Variants in STXBP5L observed in about 807,000 individuals in gnomAD.
STXBP5L encodes syntaxin binding protein 5L.
STXBP5L carries 65 observed loss-of-function variants against 144.5 expected under a neutral mutation model. The ratio of observed to expected loss-of-function variants is 0.45; its 90% CI spans 0.37 to 0.55. The LOEUF is 0.55. STXBP5L is among the 20% of genes least tolerant of loss of function. The probability of loss-of-function intolerance (pLI) is 0.00; values close to 1 mark genes in which losing one functional copy is unlikely to be tolerated. For missense variants in STXBP5L, 1,298 were observed against 1,405.5 expected (o/e 0.92, Z 1.22); for synonymous variants, 505 against 469.6 (o/e 1.08, Z -0.97).
At chr3:121,098,428 C>T (rs1334057413) in intron 5 of STXBP5L, among the ~76,000 whole-genome samples, 1 of 152,192 alleles carries the variant, frequency 6.6e-6, no homozygotes, top group Non-Finnish European at 1.5e-5. Context: ...AGAACTCCCT[C>T]ATTATCGTGA....
chr3:121,128,392 G>A (rs1280399243), intron 7 of STXBP5L, among the ~76,000 whole-genome samples: 1 of 152,078 alleles, frequency 6.6e-6, no homozygotes, highest in Non-Finnish European at 1.5e-5. Context: ...TATTATGTTT[G>A]TTCTGGCAAC....
rs575064799 is a variant in STXBP5L, at chr3:121,108,611, G to A, written c.471-6314G>A. On this transcript the variant is annotated intron_variant, in intron 5 of 26. Coordinates refer to ENST00000471454, the MANE Select transcript of STXBP5L (RefSeq NM_001308330.2). Reference sequence around the variant, plus strand: ...ACTTTTTGATGTGCTGTTGGACTTGGTTTGCCAGTATTTTATTGAGGGTTT... The same window carrying A: ...ACTTTTTGATGTGCTGTTGGACTTGATTTGCCAGTATTTTATTGAGGGTTT... 2.0e-5 allele frequency among the ~76,000 whole-genome samples: 3 copies of A among 152,100 alleles called. No homozygotes were observed. The South Asian group carries it at 6.2e-4, about 31-fold the overall frequency.
intron 4 of STXBP5L, among the ~76,000 whole-genome samples, chr3:121,044,394 T>C (rs1191170592): frequency 2.6e-5 from 4 of 152,174 alleles, no homozygotes; most frequent in African/African-American, 9.6e-5. Flanking sequence ...TTCTAATTCC[T>C]AAAGAAGAAA....
In STXBP5L at chr3:121,383,132, T is replaced by A. The variant is rs943213342; in HGVS notation, c.2587+1600T>A. 3.9e-4 allele frequency among the ~76,000 whole-genome samples: 59 copies of A among 151,866 alleles called. 1 individual carries two copies. Among genetic ancestry groups the A allele is most frequent in the African/African-American group, 4.8e-5 (2 of 41,382 alleles). On this transcript the variant is annotated intron_variant, in intron 22 of 26. Transcript: ENST00000471454. ...CCCCATCACTACCAAAAAATTTTTT[T>A]AAATATATATATTTTTAAAAATTGC...
chr3:121,220,509 G>T (rs1202049921), intron 10 of STXBP5L, among the ~76,000 whole-genome samples: 1 of 152,022 alleles, frequency 6.6e-6, no homozygotes, highest in East Asian at 1.9e-4. Flanking sequence ...TGATATTCAT[G>T]CAATAAAAAG....
chr3:120,956,278 T>C (rs1327572645), intron 3 of STXBP5L, among the ~76,000 whole-genome samples: 1 of 151,932 alleles, frequency 6.6e-6, no homozygotes, highest in African/African-American at 2.4e-5. Flanking sequence ...TTTCTGTAAA[T>C]CTTTCACTTT....
intron 3 of STXBP5L, among the ~76,000 whole-genome samples, chr3:120,963,951 C>T (rs986164985): frequency 2.0e-5 from 3 of 152,082 alleles, no homozygotes; most frequent in Non-Finnish European, 4.4e-5. Flanking sequence ...AATTTCAGAT[C>T]CTGTTATTGG....
chr3:121,017,702 T>C (rs1224465741), intron 3 of STXBP5L, among the ~76,000 whole-genome samples: 1 of 152,200 alleles, frequency 6.6e-6, no homozygotes, highest in African/African-American at 2.4e-5. Context: ...GAAATACTTA[T>C]ATATAAATGT....
At chr3:120,997,290 G>T (rs1035620454) in intron 3 of STXBP5L, among the ~76,000 whole-genome samples, 2 of 152,040 alleles carry the variant, frequency 1.3e-5, no homozygotes, top group Non-Finnish European at 2.9e-5. Flanking sequence ...GATTTATATT[G>T]TCTTGGGTAT....
chr3:121,042,157 C>T (rs978885126), intron 4 of STXBP5L, among the ~76,000 whole-genome samples: 2 of 151,908 alleles, frequency 1.3e-5, no homozygotes, highest in Non-Finnish European at 2.9e-5. Context: ...CTTTATCTTC[C>T]CTGAAATGAT....
chr3:121,063,451 C>T (rs1215213955), intron 5 of STXBP5L, among the ~76,000 whole-genome samples: 2 of 152,236 alleles, frequency 1.3e-5, no homozygotes, highest in Non-Finnish European at 2.9e-5. Flanking sequence ...TGGGAGGTGT[C>T]TCCCAGTCAG....
intron 5 of STXBP5L, among the ~76,000 whole-genome samples, chr3:121,056,300 A>G (rs904477689): frequency 9.9e-5 from 15 of 152,174 alleles, no homozygotes; most frequent in African/African-American, 2.9e-4. Context: ...TACTGGAGAA[A>G]GCATAGAGTT....
At chr3:121,143,890 G>A (rs758420918) in intron 7 of STXBP5L, among the ~76,000 whole-genome samples, 40 of 151,800 alleles carry the variant, frequency 2.6e-4, no homozygotes, top group African/African-American at 8.2e-4. Flanking sequence ...TAGAAAAAAC[G>A]TAGAAGAAAA....
At chr3:121,326,873 A>G (rs908346449) in intron 20 of STXBP5L, among the ~76,000 whole-genome samples, 1 of 152,130 alleles carries the variant, frequency 6.6e-6, no homozygotes, top group Non-Finnish European at 1.5e-5. Context: ...CTTAGCCATA[A>G]CAAAGTAGAA....
At chr3:121,337,627 C>T (rs920317025) in intron 20 of STXBP5L, among the ~76,000 whole-genome samples, 10 of 152,066 alleles carry the variant, frequency 6.6e-5, no homozygotes, top group Admixed American at 2.0e-4. Flanking sequence ...CTCAACACTC[C>T]GCTGACAGCA....
At chr3:121,003,864 G>A (rs1052534561) in intron 3 of STXBP5L, among the ~76,000 whole-genome samples, 2 of 152,138 alleles carry the variant, frequency 1.3e-5, no homozygotes, top group Admixed American at 6.6e-5. Flanking sequence ...GATGGTTGAA[G>A]ATATATGGCA....
At chr3:120,935,619 G>T (rs547734680) in intron 2 of STXBP5L, among the ~76,000 whole-genome samples, 28 of 152,032 alleles carry the variant, frequency 1.8e-4, no homozygotes, top group African/African-American at 6.5e-4. Flanking sequence ...CCCTTTTGAA[G>T]AATAATTTTA....
chr3:121,045,416 T>A lies in STXBP5L; in HGVS notation c.370-19T>A, dbSNP rs942206016. The stretch of plus-strand genomic sequence containing the variant: ...AATTAAGTAAATCACACACTTACTT[T>A]ATCTTCTTTTTGTTCTAGGGTGCCT... On this transcript the variant is annotated intron_variant, in intron 4 of 26. Transcript: ENST00000471454. 1 of 1,591,644 alleles carries A rather than the reference T, an allele frequency of 6.3e-7. No homozygotes were observed. The highest frequency in any genetic ancestry group is 1.8e-5 in the Admixed American group (1 of 55,124).
chr3:121,305,527 A>G (rs923081329), intron 19 of STXBP5L, among the ~76,000 whole-genome samples: 5 of 152,190 alleles, frequency 3.3e-5, no homozygotes, highest in Non-Finnish European at 2.9e-5. Context: ...AATGTAAAAT[A>G]CTGATTAACA....
Sources: gnomAD v4.1 joint callset for allele counts (sites outside exome capture counted in the v4.1 genomes callset) on GRCh38, gnomAD v4.1.1 for gene constraint, MANE v1.5 for transcripts, NCBI Gene and HGNC (gene_info 2026-07-23, HGNC 2026-07-21) for gene names.